Variants in PCNX2 observed in about 807,000 individuals in gnomAD.
PCNX2 encodes the protein pecanex-like protein 2.
Under a neutral mutation model 223.8 loss-of-function variants are expected in PCNX2, and 168 were observed. The observed-to-expected ratio is 0.75, with a 90% CI of 0.66 to 0.85. The LOEUF (loss-of-function observed/expected upper bound fraction) is 0.85, where lower values mean the gene tolerates loss of function less well. PCNX2 is among the 40% of genes least tolerant of loss of function. The pLI, the probability that PCNX2 is intolerant of heterozygous loss-of-function variation, is 0.00. For missense variants in PCNX2, 2,507 were observed against 2,675.5 expected (o/e 0.94, Z 1.39); for synonymous variants, 1,006 against 1,052.6 (o/e 0.96, Z 0.86).
At chr1:233,226,719 A>T (rs1657745179) in intron 10 of PCNX2, among the ~76,000 whole-genome samples, 1 of 152,228 alleles carries the variant, frequency 6.6e-6, no homozygotes, top group African/African-American at 2.4e-5. Flanking sequence ...TTAACATTCA[A>T]GTGAGTGTAC....
At chr1:233,183,914 A>G (rs1679949545) in intron 15 of PCNX2, among the ~76,000 whole-genome samples, 1 of 152,226 alleles carries the variant, frequency 6.6e-6, no homozygotes, top group Non-Finnish European at 1.5e-5. Context: ...AGAGCCAAGC[A>G]GGGCAGATAG....
chr1:233,263,985 G>T (rs548851902), intron 1 of PCNX2, among the ~76,000 whole-genome samples: 2 of 152,234 alleles, frequency 1.3e-5, no homozygotes, highest in African/African-American at 4.8e-5. Flanking sequence ...GGGTTGTATT[G>T]CACACAGGGA....
chr1:233,070,739 A>G (rs1672817680), intron 23 of PCNX2, among the ~76,000 whole-genome samples: 1 of 152,140 alleles, frequency 6.6e-6, no homozygotes, highest in South Asian at 2.1e-4. Flanking sequence ...AAGATCATCT[A>G]TAAAAACCTA....
At chr1:233,161,675 G>A (rs1208788906) in intron 17 of PCNX2, among the ~76,000 whole-genome samples, 1 of 152,150 alleles carries the variant, frequency 6.6e-6, no homozygotes, top group East Asian at 1.9e-4. Flanking sequence ...TGAGGTTCTT[G>A]TAAGGTTCTT....
rs1572220915 is a variant in PCNX2 at position 233,295,530 on chromosome 1, G to A, written c.-52C>T. ...CGCCCCGCTGCACCCTGCGCGCCCC[G>A]GCCGGATCTCCAGGCTCCCTCAGGT... On this transcript the variant is annotated 5_prime_UTR_variant, in exon 1 of 34. Coordinates refer to ENST00000258229, the MANE Select transcript of PCNX2 (RefSeq NM_014801.4). The surrounding 1 kb of genome is among the most constrained non-coding windows in gnomAD (Gnocchi z 4.1). 3.6e-5 allele frequency: 52 copies of A among 1,464,296 alleles called. No individual in the cohort carries two copies. In the East Asian group the frequency reaches 1.4e-3, roughly 40 times the overall value. 90.7% of individuals were successfully genotyped at this position (1,464,296 alleles called of 1,614,324 possible).
chr1:233,080,865 T>C (rs902631679), intron 23 of PCNX2, among the ~76,000 whole-genome samples: 4 of 152,224 alleles, frequency 2.6e-5, no homozygotes, highest in African/African-American at 9.6e-5. Flanking sequence ...CTTTCATTTG[T>C]GTATCCATCT....
chr1:233,321,650 T>C, the PCNX2 span, among the ~76,000 whole-genome samples: 1 of 152,192 alleles, frequency 6.6e-6, no homozygotes, highest in East Asian at 1.9e-4. Context: ...AAATGCTTTA[T>C]ATGCATTTCT....
chr1:233,050,379 T>A (rs1485423890), intron 25 of PCNX2, among the ~76,000 whole-genome samples: 4 of 148,940 alleles, frequency 2.7e-5, no homozygotes, highest in Admixed American at 6.7e-5. Flanking sequence ...GCAAAAGCAA[T>A]CCTAAACAAA....
At chr1:233,041,579 CTAAA>C (rs1671647255) in intron 25 of PCNX2, among the ~76,000 whole-genome samples, 1 of 152,190 alleles carries the variant, frequency 6.6e-6, no homozygotes, top group Non-Finnish European at 1.5e-5. Flanking sequence ...TTCTTCCCAC[CTAAA>C]TAAATAAAAT....
At chr1:233,276,982 A>G (rs1205814526) in intron 1 of PCNX2, among the ~76,000 whole-genome samples, 2 of 152,262 alleles carry the variant, frequency 1.3e-5, no homozygotes, top group Non-Finnish European at 2.9e-5. Context: ...CTAGAGTGTC[A>G]GGGAATAATC....
At chr1:233,150,393 T>C (rs930970159) in intron 19 of PCNX2, among the ~76,000 whole-genome samples, 5 of 152,134 alleles carry the variant, frequency 3.3e-5, no homozygotes, top group South Asian at 2.1e-4. Context: ...TTTGAATGAA[T>C]TGATAGACAT....
At chr1:233,118,686 A>C (rs1675570939) in intron 21 of PCNX2, among the ~76,000 whole-genome samples, 2 of 152,166 alleles carry the variant, frequency 1.3e-5, no homozygotes, top group African/African-American at 2.4e-5. Flanking sequence ...TATAAGCTAA[A>C]AGTTAAAAAA....
At chr1:233,008,254 G>C (rs1375348170) in intron 28 of PCNX2, among the ~76,000 whole-genome samples, 1 of 152,152 alleles carries the variant, frequency 6.6e-6, no homozygotes, top group Non-Finnish European at 1.5e-5. Context: ...ACCTGGTAAA[G>C]AACATTCAGA....
At chr1:233,251,928 C>T (rs906520431) in intron 7 of PCNX2, among the ~76,000 whole-genome samples, 1 of 152,202 alleles carries the variant, frequency 6.6e-6, no homozygotes, top group Admixed American at 6.5e-5. Flanking sequence ...CAACACAGGT[C>T]CAACAAATAT....
In PCNX2 at chr1:233,139,408, C is replaced by G. The variant is rs992913507; in HGVS notation, c.3659+306G>C. On this transcript the variant is annotated intron_variant, in intron 20 of 33. Transcript: ENST00000258229. The surrounding 1 kb of genome is among the most constrained non-coding windows in gnomAD (Gnocchi z 4.4). ...TGTTAAGAACTCCAGGAATCCTGGA[C>G]TCACACTGTGCTTCCGTCTTCTTAT... 6.6e-6 allele frequency among the ~76,000 whole-genome samples: 1 copy of G among 152,202 alleles called. No individual in the cohort carries two copies. Among genetic ancestry groups the G allele is most frequent in the Non-Finnish European group, 1.5e-5 (1 of 68,038 alleles).
At chr1:233,054,586 T>A (rs1026284867) in intron 24 of PCNX2, 103 bp from the exon 25 acceptor site, 3 of 879,866 alleles carry the variant, frequency 3.4e-6, no homozygotes, top group Admixed American at 5.1e-5. Flanking sequence ...AAAATCAGAC[T>A]CTTTATATAC....
intron 24 of PCNX2, chr1:233,054,790 TATATAAC>T (rs920448211): frequency 7.8e-5 from 14 of 179,146 alleles, no homozygotes; most frequent in African/African-American, 2.4e-4. Context: ...TTTGACATAT[TATATAAC>T]ATATAAGTTA....
chr1:233,137,172 G>A (rs1254701459), intron 20 of PCNX2, among the ~76,000 whole-genome samples: 1 of 152,244 alleles, frequency 6.6e-6, no homozygotes, highest in Non-Finnish European at 1.5e-5. Flanking sequence ...CACTGTCGGT[G>A]TGGAGTTTGT....
the PCNX2 span, among the ~76,000 whole-genome samples, chr1:233,315,482 T>C: frequency 2.0e-5 from 3 of 152,210 alleles, no homozygotes; most frequent in African/African-American, 7.2e-5. Context: ...TTAGTCTAAT[T>C]TTATATGTGG....
Sources: gnomAD v4.1 joint callset for allele counts (sites outside exome capture counted in the v4.1 genomes callset) on GRCh38, gnomAD v4.1.1 for gene constraint, Gnocchi (gnomAD v3.1) non-coding constraint, MANE v1.5 for transcripts, NCBI Gene and HGNC (gene_info 2026-07-23, HGNC 2026-07-21) for gene names.